The following THEMIS variants were observed in gnomAD, a reference collection of about 807,000 sequenced individuals.
THEMIS encodes the protein thymocyte selection associated.
Under a neutral mutation model 52.6 loss-of-function variants are expected in THEMIS, and 37 were observed. That is an observed-to-expected ratio of 0.70 (90% CI 0.54 to 0.93). THEMIS has a LOEUF of 0.93. Ranked by LOEUF, THEMIS falls within the 40% of genes least tolerant of loss-of-function variation. The pLI, the probability that THEMIS is intolerant of heterozygous loss-of-function variation, is 0.00. For synonymous variants in THEMIS, 292 were observed against 272.7 expected (o/e 1.07, Z -0.70); for missense variants, 808 against 763.1 (o/e 1.06, Z -0.69).
intron 4 of THEMIS, among the ~76,000 whole-genome samples, chr6:127,802,891 C>T (rs985924989): frequency 2.0e-5 from 3 of 152,168 alleles, no homozygotes; most frequent in Non-Finnish European, 2.9e-5. Flanking sequence ...GAATAATGTG[C>T]TATTCTTCTA....
chr6:127,862,821 C>G (rs560644770), intron 1 of THEMIS, among the ~76,000 whole-genome samples: 1 of 152,182 alleles, frequency 6.6e-6, no homozygotes, highest in East Asian at 1.9e-4. Flanking sequence ...TTGTCCCTCT[C>G]ATCACTAATC....
intron 4 of THEMIS, among the ~76,000 whole-genome samples, chr6:127,809,238 T>A (rs571822259): frequency 6.6e-6 from 1 of 152,298 alleles, no homozygotes; most frequent in African/African-American, 2.4e-5. Context: ...GGCTGATTCC[T>A]ACCTATGAAG....
intron 1 of THEMIS, among the ~76,000 whole-genome samples, chr6:127,859,345 C>A (rs1010436390): frequency 3.9e-5 from 6 of 152,090 alleles, no homozygotes; most frequent in Admixed American, 3.9e-4. Flanking sequence ...GATAGCACTT[C>A]ATGCGTATCT....
At chr6:127,741,368 T>A (rs1193609002) in intron 4 of THEMIS, among the ~76,000 whole-genome samples, 1 of 152,200 alleles carries the variant, frequency 6.6e-6, no homozygotes, top group African/African-American at 2.4e-5. Context: ...CAGCATTGTT[T>A]GATGTTGCTT....
chr6:127,836,467 C>CA (rs1269432490), intron 2 of THEMIS, among the ~76,000 whole-genome samples: 1 of 151,800 alleles, frequency 6.6e-6, no homozygotes, highest in Non-Finnish European at 1.5e-5. Context: ...ATGCAGTGTT[C>CA]AAAAAAATCT....
intron 4 of THEMIS, among the ~76,000 whole-genome samples, chr6:127,733,632 A>T (rs1453060236): frequency 6.6e-6 from 1 of 152,156 alleles, no homozygotes; most frequent in African/African-American, 2.4e-5. Context: ...GAAAGAAACA[A>T]CCAGACTTCA....
In THEMIS at chr6:127,855,010, G is replaced by A. The variant is rs771268587; in HGVS notation, c.250+20C>T. 1 of 1,575,834 alleles carries A rather than the reference G, an allele frequency of 6.3e-7. No individual in the cohort carries two copies. The highest frequency in any genetic ancestry group is 1.2e-5 in the South Asian group (1 of 83,994). On this transcript the variant is annotated intron_variant, in intron 2 of 5. Transcript: ENST00000368248. ...AACAATATAGTTGTACAAATGATAA[G>A]TGGTTGCAATGTGCTGTACCTGGAA...
At chr6:127,858,654 T>A (rs564617366) in intron 1 of THEMIS, among the ~76,000 whole-genome samples, 22 of 152,260 alleles carry the variant, frequency 1.4e-4, no homozygotes, top group Admixed American at 4.6e-4. Context: ...TTTAAAAAAA[T>A]TGCTGAGATA....
chr6:127,842,146 T>C (rs1779069484), intron 2 of THEMIS, among the ~76,000 whole-genome samples: 1 of 152,038 alleles, frequency 6.6e-6, no homozygotes, highest in South Asian at 2.1e-4. Context: ...ATTTTTTGCA[T>C]AATAATTTTC....
At chr6:127,833,322 CAACTG>C (rs1778764180) in intron 2 of THEMIS, among the ~76,000 whole-genome samples, 1 of 152,180 alleles carries the variant, frequency 6.6e-6, no homozygotes, top group South Asian at 2.1e-4. Flanking sequence ...GTAATTGCAA[CAACTG>C]AAATTTGTTT....
intron 2 of THEMIS, among the ~76,000 whole-genome samples, chr6:127,849,349 T>C (rs1278564804): frequency 6.6e-6 from 1 of 151,996 alleles, no homozygotes; most frequent in African/African-American, 2.4e-5. Flanking sequence ...TAGTTTGAAG[T>C]CAGGTAGCGT....
At chr6:127,751,021 C>G (rs1043275337) in intron 4 of THEMIS, among the ~76,000 whole-genome samples, 1 of 151,678 alleles carries the variant, frequency 6.6e-6, no homozygotes, top group Non-Finnish European at 1.5e-5. Context: ...GAAAATATGA[C>G]AGTATTAAAC....
intron 4 of THEMIS, among the ~76,000 whole-genome samples, chr6:127,808,623 A>G (rs1268888579): frequency 1.3e-5 from 2 of 152,196 alleles, no homozygotes; most frequent in African/African-American, 4.8e-5. Context: ...TAACTAACAC[A>G]TTTAAAGAAC....
intron 1 of THEMIS, among the ~76,000 whole-genome samples, chr6:127,892,749 G>A (rs1006854273): frequency 6.6e-6 from 1 of 152,004 alleles, no homozygotes; most frequent in Admixed American, 6.6e-5. Context: ...TTGCAACCTC[G>A]AAAGTCTGTA....
At chr6:127,882,024 G>T (rs1780501224) in intron 1 of THEMIS, among the ~76,000 whole-genome samples, 1 of 146,772 alleles carries the variant, frequency 6.8e-6, no homozygotes. Context: ...TGGTCTCCAA[G>T]TTTTTAAAGA....
intron 1 of THEMIS, among the ~76,000 whole-genome samples, chr6:127,897,281 C>A (rs113350061): frequency 0.018 from 2,678 of 151,366 alleles, 85 homozygotes; most frequent in African/African-American, 0.061. Flanking sequence ...AAAATATAAA[C>A]TGACTACACT....
intron 4 of THEMIS, among the ~76,000 whole-genome samples, chr6:127,773,669 A>T (rs1776460837): frequency 6.6e-6 from 1 of 152,212 alleles, no homozygotes; most frequent in Non-Finnish European, 1.5e-5. Context: ...AAGCAACCTT[A>T]ATAAAGAAGC....
intron 2 of THEMIS, among the ~76,000 whole-genome samples, chr6:127,851,097 C>CA (rs923746818): frequency 4.0e-5 from 6 of 151,326 alleles, no homozygotes; most frequent in Admixed American, 2.6e-4. Context: ...ATTATACATT[C>CA]AGGGGCAGAG....
intron 1 of THEMIS, among the ~76,000 whole-genome samples, chr6:127,865,741 T>C (rs867243434): frequency 2.0e-5 from 3 of 152,166 alleles, no homozygotes; most frequent in African/African-American, 4.8e-5. Flanking sequence ...ATGTTTGAGG[T>C]TGATAATCAG....
Sources: allele counts gnomAD v4.1 joint callset (sites outside exome capture counted in the v4.1 genomes callset), GRCh38; gene constraint gnomAD v4.1.1; transcripts MANE v1.5; gene names NCBI Gene and HGNC (gene_info 2026-07-23, HGNC 2026-07-21).